Variants in TRIO observed in about 807,000 individuals in gnomAD.
TRIO encodes triple functional domain protein.
A neutral mutation model predicts 351.9 loss-of-function variants in TRIO; 58 were observed. The observed-to-expected ratio is 0.16, with a 90% CI of 0.13 to 0.21. TRIO has a LOEUF of 0.21. Ranked by LOEUF, TRIO falls within the 10% of genes least tolerant of loss-of-function variation. The pLI is 1.00. For synonymous variants in TRIO, 1,758 were observed against 1,595.7 expected (o/e 1.10, Z -2.42); for missense variants, 3,201 against 4,027.8 (o/e 0.79, Z 5.56).
At chr5:14,239,165 C>T (rs1303595164) in intron 1 of TRIO, among the ~76,000 whole-genome samples, 1 of 152,084 alleles carries the variant, frequency 6.6e-6, no homozygotes, top group African/African-American at 2.4e-5. Flanking sequence ...GGAATAATTT[C>T]AGAATATATA....
chr5:14,226,564 A>C (rs1481547961), intron 1 of TRIO, among the ~76,000 whole-genome samples: 1 of 152,236 alleles, frequency 6.6e-6, no homozygotes, highest in Non-Finnish European at 1.5e-5. Context: ...GGTTTTTATA[A>C]AAGTAGTTTT....
Position 14,508,584 on chromosome 5 carries a change from C to A in TRIO, c.*162C>A. 1.1e-6 allele frequency: 1 copy of A among 901,276 alleles called. No homozygotes were observed. The highest frequency in any genetic ancestry group is 1.7e-6 in the Non-Finnish European group (1 of 606,036). 55.8% of individuals were successfully genotyped at this position (901,276 alleles called of 1,614,324 possible). On this transcript the variant is annotated 3_prime_UTR_variant, in exon 57 of 57. Coordinates refer to ENST00000344204, the MANE Select transcript of TRIO (RefSeq NM_007118.4). ...TGCTCAGCAGTGCTTGGACACAGAG[C>A]TGCAAGCTGCGCTGGGGTGGAGGAC... is the stretch of plus-strand genomic sequence containing the variant.
At chr5:14,480,519 C>G (rs543776584) in intron 43 of TRIO, among the ~76,000 whole-genome samples, 1 of 152,116 alleles carries the variant, frequency 6.6e-6, no homozygotes, top group Non-Finnish European at 1.5e-5. Context: ...TTTTGTATTC[C>G]TCTCTGTTGG....
chr5:14,508,506 A>G lies in TRIO; in HGVS notation c.*84A>G. ...TTTCAAGAGAAAACAAGCAAACATA[A>G]CTGATCAGCTGCCGGTATGTTCATC... On this transcript the variant is annotated 3_prime_UTR_variant, in exon 57 of 57. Transcript: ENST00000344204. The G allele has an allele frequency of 6.8e-7, 1 of 1,466,484 alleles. No homozygotes were observed. The highest frequency in any genetic ancestry group is 9.2e-7 in the Non-Finnish European group (1 of 1,085,730). 90.8% of individuals were successfully genotyped at this position (1,466,484 alleles called of 1,614,324 possible). A position where few individuals can be genotyped will look rare whatever the true frequency, so the allele number is the denominator to read the frequency against.
chr5:14,185,109 G>A (rs1403924645), intron 1 of TRIO, among the ~76,000 whole-genome samples: 1 of 152,038 alleles, frequency 6.6e-6, no homozygotes, highest in African/African-American at 2.4e-5. Flanking sequence ...TTTCAATCCT[G>A]AACATCTGGG....
chr5:14,455,945 G>C (rs1485691943), intron 34 of TRIO, among the ~76,000 whole-genome samples: 2 of 152,246 alleles, frequency 1.3e-5, no homozygotes, highest in Non-Finnish European at 2.9e-5. Flanking sequence ...GGAGGCTCAG[G>C]CTGCGTGGGA....
At chr5:14,380,101 T>G (rs1183552175) in intron 20 of TRIO, among the ~76,000 whole-genome samples, 1 of 152,208 alleles carries the variant, frequency 6.6e-6, no homozygotes, top group Non-Finnish European at 1.5e-5. Context: ...GGCCTCCATT[T>G]CTGGTCTCCG....
At chr5:14,306,494 A>G (rs1738380075) in intron 8 of TRIO, among the ~76,000 whole-genome samples, 1 of 152,174 alleles carries the variant, frequency 6.6e-6, no homozygotes, top group South Asian at 2.1e-4. Flanking sequence ...GACCTATAAC[A>G]CAGAAAGCAA....
chr5:14,319,148 A>G (rs1739644712), intron 9 of TRIO, among the ~76,000 whole-genome samples: 1 of 152,238 alleles, frequency 6.6e-6, no homozygotes, highest in Admixed American at 6.5e-5. Flanking sequence ...CTCAAACAGC[A>G]TATTGGCTTG....
intron 2 of TRIO, among the ~76,000 whole-genome samples, chr5:14,277,206 A>T (rs1258642030): frequency 6.6e-6 from 1 of 152,246 alleles, no homozygotes; most frequent in Non-Finnish European, 1.5e-5. Flanking sequence ...AGACAAAAAG[A>T]ATATGTAAAT....
intron 17 of TRIO, 81 bp from the exon 18 acceptor site, chr5:14,369,292 GC>G: frequency 6.6e-7 from 1 of 1,506,680 alleles, no homozygotes; most frequent in Non-Finnish European, 8.9e-7. Flanking sequence ...CATCCCCAGA[GC>G]CCGACTGAAA....
chr5:14,350,048 A>G (rs1346766413), intron 11 of TRIO, among the ~76,000 whole-genome samples: 1 of 152,194 alleles, frequency 6.6e-6, no homozygotes, highest in African/African-American at 2.4e-5. Flanking sequence ...GTTGCAAAGG[A>G]CACGATCTTT....
chr5:14,243,786 G>A (rs1794271901), intron 1 of TRIO, among the ~76,000 whole-genome samples: 1 of 152,132 alleles, frequency 6.6e-6, no homozygotes. Context: ...TTTTTGTCTA[G>A]TATGATCCAT....
intron 21 of TRIO, among the ~76,000 whole-genome samples, chr5:14,386,602 A>G (rs774960360): frequency 1.3e-5 from 2 of 152,230 alleles, no homozygotes; most frequent in Non-Finnish European, 2.9e-5. Flanking sequence ...AAACACTATA[A>G]CAAAGGAAGC....
chr5:14,508,462 A>G lies in TRIO; in HGVS notation c.*40A>G, dbSNP rs1006791112. On this transcript the variant is annotated 3_prime_UTR_variant, in exon 57 of 57. Transcript: ENST00000344204. ...CTTTCTCATTCTCTTTCACCTGCCA[A>G]TCAGCTGTTAATCTGAATTTTCAAG... The G allele has an allele frequency of 1.3e-6, 2 of 1,542,014 alleles. No homozygotes were observed. The highest frequency in any genetic ancestry group is 1.7e-6 in the Non-Finnish European group (2 of 1,145,252).
At position 14,244,791 on chromosome 5, in the gene TRIO, A is replaced by G. The variant is rs568985805; in HGVS notation, c.158-26034A>G. On this transcript the variant is annotated intron_variant, in intron 1 of 56. Coordinates refer to ENST00000344204, the MANE Select transcript of TRIO (RefSeq NM_007118.4). ...ATTGCAGCGGGTCCTTGGTGTATTC[A>G]GGTGGCATCTGTGAGGATTGGGTCA... 4.6e-5 allele frequency among the ~76,000 whole-genome samples: 7 copies of G among 152,280 alleles called. No individual in the cohort carries two copies. The South Asian group carries it at 1.5e-3, about 32-fold the overall frequency.
intron 19 of TRIO, 25 bp downstream of exon 19, chr5:14,374,368 G>A: frequency 6.3e-7 from 1 of 1,595,328 alleles, no homozygotes; most frequent in African/African-American, 1.3e-5. Context: ...GAGTCTCCAG[G>A]GGTGGCCCAG....
chr5:14,359,343 G>A lies in TRIO; in HGVS notation c.2217-14G>A, dbSNP rs761615285. 4 of 1,604,532 alleles carry A rather than the reference G, an allele frequency of 2.5e-6. No homozygotes were observed. The highest frequency in any genetic ancestry group is 3.4e-6 in the Non-Finnish European group (4 of 1,172,132). On this transcript the variant is annotated splice_polypyrimidine_tract_variant and intron_variant, in intron 12 of 56. Transcript: ENST00000344204. ...TTTCTCATCCAATTCCTGTTCCTCT[G>A]TGTGCTCTCGCAGGGACTCTGCCAT...
chr5:14,268,923 T>C (rs1795840500), intron 1 of TRIO, among the ~76,000 whole-genome samples: 2 of 152,236 alleles, frequency 1.3e-5, no homozygotes, highest in Non-Finnish European at 2.9e-5. Flanking sequence ...AGTGAATTGC[T>C]GACTAGATTG....
Sources: gnomAD v4.1 joint callset for allele counts (sites outside exome capture counted in the v4.1 genomes callset) on GRCh38, gnomAD v4.1.1 for gene constraint, MANE v1.5 for transcripts, NCBI Gene and HGNC (gene_info 2026-07-23, HGNC 2026-07-21) for gene names.